The following RAB11FIP4 variants were observed in gnomAD, a reference collection of about 807,000 sequenced individuals.
RAB11FIP4 encodes the protein rab11 family-interacting protein 4.
In RAB11FIP4, 23 loss-of-function variants were observed where a neutral mutation model predicts 74.3. The observed-to-expected ratio is 0.31, with a 90% CI of 0.22 to 0.44. RAB11FIP4 has a LOEUF of 0.44. Ranked by LOEUF, RAB11FIP4 falls within the 20% of genes least tolerant of loss-of-function variation. RAB11FIP4 has a pLI of 1.00. For missense variants in RAB11FIP4, 630 were observed against 863.9 expected (o/e 0.73, Z 3.39); for synonymous variants, 360 against 359.9 (o/e 1.00, Z 0.00).
At chr17:31,463,262 C>A (rs1308082508) in intron 3 of RAB11FIP4, among the ~76,000 whole-genome samples, 1 of 152,160 alleles carries the variant, frequency 6.6e-6, no homozygotes, top group East Asian at 1.9e-4. Flanking sequence ...GTGCTGCCAT[C>A]ATGACCCCTT....
chr17:31,525,016 G>C, intron 9 of RAB11FIP4, 74 bp from the exon 10 acceptor site: 1 of 1,539,354 alleles, frequency 6.5e-7, no homozygotes, highest in Non-Finnish European at 8.8e-7. Flanking sequence ...GGGGCCCAGG[G>C]TCCCCCGTGC....
intron 3 of RAB11FIP4, among the ~76,000 whole-genome samples, chr17:31,505,449 A>AT (rs1567680995): frequency 0.034 from 2,892 of 85,042 alleles, 250 homozygotes; most frequent in African/African-American, 0.12. Context: ...TATAATATAT[A>AT]ATAATTATTA....
At chr17:31,395,026 C>T (rs1484133349) in intron 1 of RAB11FIP4, among the ~76,000 whole-genome samples, 2 of 151,760 alleles carry the variant, frequency 1.3e-5, no homozygotes, top group African/African-American at 2.4e-5. Context: ...CATTGATTTC[C>T]CAGCCACTTG....
At chr17:31,526,375 A>G (rs944623180) in intron 10 of RAB11FIP4, 4 of 152,248 alleles carry the variant, frequency 2.6e-5, no homozygotes, top group Non-Finnish European at 4.4e-5. Context: ...CCATTCGTGT[A>G]AAATATCCGA....
Position 31,391,945 on chromosome 17 carries a change from C to T in RAB11FIP4, c.93C>T (p.Asp31=), listed in dbSNP as rs541624699. 107 of 1,384,256 alleles carry T rather than the reference C, an allele frequency of 7.7e-5. 1 individual carries two copies. The highest frequency in any genetic ancestry group is 6.2e-4 in the Admixed American group (23 of 37,218). 85.7% of individuals were successfully genotyped at this position (1,384,256 alleles called of 1,614,324 possible). A position where few individuals can be genotyped will look rare whatever the true frequency, so the allele number is the denominator to read the frequency against. Residue 31 remains aspartate, a synonymous_variant, in exon 1 of 15, where the codon GAC becomes GAT. Coordinates refer to ENST00000621161, the MANE Select transcript of RAB11FIP4 (RefSeq NM_032932.6). ...LREVFEVCGR[D]PDGFLRVERV... is the part of the protein sequence containing the mutation. ...AGGTGTTCGAGGTGTGCGGCCGCGA[C>T]CCCGACGGCTTCCTGCGCGTGGAGC...
At chr17:31,404,218 T>C (rs1373751490) in intron 1 of RAB11FIP4, among the ~76,000 whole-genome samples, 3 of 152,248 alleles carry the variant, frequency 2.0e-5, no homozygotes, top group Non-Finnish European at 4.4e-5. Flanking sequence ...CACACACTCC[T>C]GTTCCTGCAT....
chr17:31,537,062 C>G lies in RAB11FIP4; in HGVS notation c.*5330C>G. 1 of 399,394 alleles carries G rather than the reference C, an allele frequency of 2.5e-6. No individual in the cohort carries two copies. The highest frequency in any genetic ancestry group is 4.4e-6 in the Non-Finnish European group (1 of 226,224). The allele number at this position is 399,394 out of a possible 1,614,324, so 24.7% of individuals were successfully genotyped here. A position where few individuals can be genotyped will look rare whatever the true frequency, so the allele number is the denominator to read the frequency against. On this transcript the variant is annotated 3_prime_UTR_variant, in exon 15 of 15. Coordinates refer to ENST00000621161, the MANE Select transcript of RAB11FIP4 (RefSeq NM_032932.6). Reference sequence around the variant, plus strand: ...GTTGTCCCCAGGGTGACCCTGCCTCCTGCTGGGGCCCATCCGCTTTGCTGT... The same window carrying G: ...GTTGTCCCCAGGGTGACCCTGCCTCGTGCTGGGGCCCATCCGCTTTGCTGT...
rs573943696 is a variant in RAB11FIP4, at chr17:31,507,190, A to G, written c.337-10461A>G. On this transcript the variant is annotated intron_variant, in intron 3 of 14. Coordinates refer to ENST00000621161, the MANE Select transcript of RAB11FIP4 (RefSeq NM_032932.6). ...GCTACTCGGGAGGCTGAGGCAGGAG[A>G]ATCGCTTGATTCCGGGAGGTGGAGG... Among the ~76,000 whole-genome samples the G allele has an allele frequency of 9.7e-3, 1,481 of 152,316 alleles. 10 individuals are homozygous for G. The highest frequency in any genetic ancestry group is 0.034 in the South Asian group (166 of 4,828).
intron 1 of RAB11FIP4, among the ~76,000 whole-genome samples, chr17:31,423,334 A>C (rs1324152000): frequency 6.6e-6 from 1 of 151,962 alleles, no homozygotes; most frequent in Admixed American, 6.6e-5. Flanking sequence ...GGCCTGTTAA[A>C]ATCCTCTGAA....
intron 1 of RAB11FIP4, among the ~76,000 whole-genome samples, chr17:31,397,344 G>A (rs1321242256): frequency 2.0e-5 from 3 of 152,212 alleles, no homozygotes; most frequent in Non-Finnish European, 4.4e-5. Context: ...CATGGTAAGA[G>A]AGGAAGAGCA....
At chr17:31,434,360 C>T (rs192381537) in intron 3 of RAB11FIP4, among the ~76,000 whole-genome samples, 4 of 152,218 alleles carry the variant, frequency 2.6e-5, no homozygotes, top group East Asian at 3.9e-4. Flanking sequence ...ATCTGTGGCA[C>T]GGAGGAGAGA....
chr17:31,449,726 A>T (rs927740533), intron 3 of RAB11FIP4, among the ~76,000 whole-genome samples: 5 of 151,506 alleles, frequency 3.3e-5, no homozygotes, highest in African/African-American at 9.7e-5. Flanking sequence ...TTTTGTAGAG[A>T]TGGGGGTCTT....
At chr17:31,414,797 CG>C (rs2071131801) in intron 1 of RAB11FIP4, among the ~76,000 whole-genome samples, 1 of 152,316 alleles carries the variant, frequency 6.6e-6, no homozygotes, top group East Asian at 1.9e-4. Context: ...GTCCCTGAGG[CG>C]GGGTCCTTCA....
intron 3 of RAB11FIP4, among the ~76,000 whole-genome samples, chr17:31,505,928 C>T (rs1371037405): frequency 4.1e-5 from 6 of 147,684 alleles, no homozygotes; most frequent in Non-Finnish European, 8.9e-5. Flanking sequence ...CCCAGGCTGG[C>T]CTGGAGCTCC....
chr17:31,452,686 C>T (rs959437277), intron 3 of RAB11FIP4, among the ~76,000 whole-genome samples: 11 of 152,182 alleles, frequency 7.2e-5, no homozygotes, highest in African/African-American at 2.4e-4. Context: ...TCCTCTGCCC[C>T]TCCTCCCTCC....
At chr17:31,420,899 T>C (rs957958487) in intron 1 of RAB11FIP4, among the ~76,000 whole-genome samples, 1 of 151,944 alleles carries the variant, frequency 6.6e-6, no homozygotes, top group African/African-American at 2.4e-5. Context: ...GCCTGACCCA[T>C]ATGAAGAAAC....
chr17:31,522,209 G>T, intron 6 of RAB11FIP4, 151 bp from the exon 7 acceptor site: 1 of 1,250,610 alleles, frequency 8.0e-7, no homozygotes, highest in Non-Finnish European at 1.1e-6. Flanking sequence ...AGGAAATCAG[G>T]CTGTTTCTTC....
At chr17:31,404,724 G>A (rs1028058101) in intron 1 of RAB11FIP4, among the ~76,000 whole-genome samples, 4 of 152,170 alleles carry the variant, frequency 2.6e-5, no homozygotes, top group Non-Finnish European at 4.4e-5. Flanking sequence ...CCTTCCCTGC[G>A]GTGGGGGCGG....
At position 31,528,743 on chromosome 17, in the gene RAB11FIP4, G is replaced by A. The variant is rs776647876; in HGVS notation, c.1618G>A (p.Val540Met). Residue 540 changes from valine (V) to methionine (M), a missense_variant, in exon 13 of 15, where the codon GTG (valine) becomes ATG (methionine). By Grantham distance (21) the Val-to-Met change is conservative. Transcript: ENST00000621161. ...LGEFNARARE[V>M]ELEHEVKRLK... is the part of the protein sequence containing the mutation. ...CGAGTTCAATGCCAGGGCCCGCGAG[G>A]TGGAGCTCGAGCACGAGGTCAAGCG... 1 of 1,611,156 alleles carries A rather than the reference G, an allele frequency of 6.2e-7. No homozygotes were observed. Among genetic ancestry groups the A allele is most frequent in the Non-Finnish European group, 8.5e-7 (1 of 1,179,540 alleles).
Sources: gnomAD v4.1 joint callset for allele counts (sites outside exome capture counted in the v4.1 genomes callset) on GRCh38, gnomAD v4.1.1 for gene constraint, MANE v1.5 for transcripts, NCBI Gene and HGNC (gene_info 2026-07-23, HGNC 2026-07-21) for gene names.